MYH13: variants seen among roughly 807,000 people sequenced by gnomAD.
MYH13 encodes myosin-13.
In MYH13, 177 loss-of-function variants were observed where a neutral mutation model predicts 232.1. The observed-to-expected ratio is 0.76, with a 90% confidence interval of 0.67 to 0.86. The LOEUF (loss-of-function observed/expected upper bound fraction) is 0.86, where lower values mean the gene tolerates loss of function less well. MYH13 is among the 40% of genes least tolerant of loss of function. The pLI is 0.00. For synonymous variants in MYH13, 884 were observed against 923.5 expected (o/e 0.96, Z 0.78); for missense variants, 2,246 against 2,405.9 (o/e 0.93, Z 1.39).
chr17:10,352,611 C>A lies in MYH13; in HGVS notation c.1006-1917G>T, dbSNP rs201108042. Among the ~76,000 whole-genome samples the A allele has an allele frequency of 6.7e-4, 102 of 151,532 alleles. 1 individual carries two copies. In the East Asian group the frequency reaches 0.016, roughly 24 times the overall value. Reference sequence around the variant, plus strand: ...TCAAAAAAAACAAAAAACAAAAAACCAAAAAAAGGCTCCGTGAGAGGAAGG... The same window carrying A: ...TCAAAAAAAACAAAAAACAAAAAACAAAAAAAAGGCTCCGTGAGAGGAAGG... On this transcript the variant is annotated intron_variant, in intron 11 of 40. Transcript: ENST00000252172.
chr17:10,301,813 C>A, intron 39 of MYH13, 110 bp from the exon 40 acceptor site: 1 of 1,407,626 alleles, frequency 7.1e-7, no homozygotes. Flanking sequence ...CCCTGGATTC[C>A]CTGATGGCAG....
At chr17:10,305,452 C>A (rs547041717) in intron 37 of MYH13, among the ~76,000 whole-genome samples, 1 of 152,148 alleles carries the variant, frequency 6.6e-6, no homozygotes, top group Non-Finnish European at 1.5e-5. Flanking sequence ...TTTAGCACCT[C>A]CCTAAAAAAA....
chr17:10,345,855 T>C (rs1471451478), intron 13 of MYH13, among the ~76,000 whole-genome samples: 1 of 151,254 alleles, frequency 6.6e-6, no homozygotes, highest in Non-Finnish European at 1.5e-5. Context: ...TAGCCAGGTG[T>C]GGTGGCAGGC....
rs544224436 is a variant in MYH13, at chr17:10,307,312, T to G, written c.5170-248A>C. 2.0e-3 allele frequency among the ~76,000 whole-genome samples: 309 copies of G among 152,262 alleles called. 2 individuals carry two copies. The highest frequency in any genetic ancestry group is 0.013 in the South Asian group (63 of 4,818). On this transcript the variant is annotated intron_variant, in intron 35 of 40. Transcript: ENST00000252172. ...ATGATAAAAGTAGAATTTCAAATATTTGAGGATGGATAGATTATTCAGTAA... is the reference window on the plus strand; with the variant it reads ...ATGATAAAAGTAGAATTTCAAATATGTGAGGATGGATAGATTATTCAGTAA...
At position 10,351,279 on chromosome 17, in the gene MYH13, G is replaced by A. The variant is rs559292722; in HGVS notation, c.1006-585C>T. ...TTTCTCACTGTACATAGATTTGGGGGAGCAGTTTTCTGGATGAGGCGATTG... is the reference window on the plus strand; with the variant it reads ...TTTCTCACTGTACATAGATTTGGGGAAGCAGTTTTCTGGATGAGGCGATTG... On this transcript the variant is annotated intron_variant, in intron 11 of 40. Coordinates refer to ENST00000252172, the MANE Select transcript of MYH13 (RefSeq NM_003802.3). 9.3e-5 allele frequency among the ~76,000 whole-genome samples: 14 copies of A among 150,596 alleles called. No homozygotes were observed. In the East Asian group the frequency reaches 2.5e-3, roughly 27 times the overall value.
At chr17:10,353,938 A>G (rs1196060487) in intron 11 of MYH13, among the ~76,000 whole-genome samples, 3 of 148,908 alleles carry the variant, frequency 2.0e-5, no homozygotes, top group African/African-American at 7.5e-5. Flanking sequence ...GAAAGAAGGA[A>G]GGAAGGAAGG....
At chr17:10,351,272 T>C (rs1042617681) in intron 11 of MYH13, among the ~76,000 whole-genome samples, 6 of 148,958 alleles carry the variant, frequency 4.0e-5, no homozygotes, top group African/African-American at 1.5e-4. Flanking sequence ...TGTACATAGA[T>C]TTGGGGGAGC....
At chr17:10,358,502 G>A (rs1403277493) in intron 7 of MYH13, among the ~76,000 whole-genome samples, 8 of 152,094 alleles carry the variant, frequency 5.3e-5, no homozygotes, top group Admixed American at 1.3e-4. Context: ...GTTCACACTC[G>A]TAATTAGCAC....
intron 12 of MYH13, among the ~76,000 whole-genome samples, chr17:10,348,926 T>C (rs1369616816): frequency 6.6e-6 from 1 of 152,156 alleles, no homozygotes; most frequent in African/African-American, 2.4e-5. Context: ...GTAGCCAAAG[T>C]GGACCACTCA....
intron 2 of MYH13, among the ~76,000 whole-genome samples, chr17:10,365,694 T>A (rs1260385398): frequency 6.6e-6 from 1 of 152,142 alleles, no homozygotes. Flanking sequence ...TTTAACAAGA[T>A]CCCCAGGTAA....
chr17:10,362,116 A>G lies in MYH13; in HGVS notation c.505+2T>C. 1 of 1,613,874 alleles carries G rather than the reference A, an allele frequency of 6.2e-7. No homozygotes were observed. The highest frequency in any genetic ancestry group is 8.5e-7 in the Non-Finnish European group (1 of 1,179,870). On this transcript the variant is annotated splice_donor_variant, in intron 5 of 40. Coordinates refer to ENST00000252172, the MANE Select transcript of MYH13 (RefSeq NM_003802.3). LOFTEE classifies it high-confidence loss of function. ...AAAATATGAATCAAAGAAATTACTC[A>G]CCAGTCAGCATGAACTGATAGGCAT...
Position 10,355,077 on chromosome 17 carries a change from G to C in MYH13, c.802+7C>G. 2.5e-6 allele frequency: 4 copies of C among 1,605,198 alleles called. No homozygotes were observed. The African/African-American group carries it at 5.3e-5, about 21-fold the overall frequency. ...CACCAACGGATTTATAGAGTGTTTG[G>C]ACTCACAAGTTTCGATGTCTGCCGA... is the stretch of plus-strand genomic sequence containing the variant. On this transcript the variant is annotated splice_region_variant and intron_variant, in intron 9 of 40. Transcript: ENST00000252172.
Position 10,332,178 on chromosome 17 carries a change from A to G in MYH13, c.2219T>C (p.Ile740Thr), listed in dbSNP as rs1293843823. 10 of 1,613,880 alleles carry G rather than the reference A, an allele frequency of 6.2e-6. No individual in the cohort carries two copies. The highest frequency in any genetic ancestry group is 8.5e-6 in the Non-Finnish European group (10 of 1,179,888). The change falls in exon 20 of 41, where the codon ATT (isoleucine) becomes ACT (threonine). Residue 740 changes from isoleucine (I) to threonine (T), a missense_variant. Transcript: ENST00000252172. The part of the protein sequence containing the change: ...NASAIPEGQF[I>T]DSKNASEKLL... Reference sequence around the variant, plus strand: ...CTTCTCTGAGGCATTTTTGCTGTCAATGAACTGCCCTTCAGGGATAGCACT... The same window carrying G: ...CTTCTCTGAGGCATTTTTGCTGTCAGTGAACTGCCCTTCAGGGATAGCACT...
rs56798899 is a variant in MYH13 at position 10,366,381 on chromosome 17, G to GTTTTTT, written c.-12-1845_-12-1840dup. Among the ~76,000 whole-genome samples, 215 of 112,614 alleles carry GTTTTTT rather than the reference G, an allele frequency of 1.9e-3. 8 individuals are homozygous for GTTTTTT. The highest frequency in any genetic ancestry group is 6.5e-3 in the African/African-American group (202 of 30,914). The allele number at this position is 112,614 out of a possible 152,430, so 73.9% of individuals were successfully genotyped here. A position where few individuals can be genotyped will look rare whatever the true frequency, so the allele number is the denominator to read the frequency against. ...CATATCTCTCTTAAGAAATAAATCTGTTTTTTTTTTTTTTTTTGAGATGGA... is the reference window on the plus strand; with the variant it reads ...CATATCTCTCTTAAGAAATAAATCTGTTTTTTTTTTTTTTTTTTTTTTTGAGATGGA... On this transcript the variant is annotated intron_variant, in intron 2 of 40. Transcript: ENST00000252172.
At chr17:10,343,567 A>C (rs2071636162) in intron 16 of MYH13, among the ~76,000 whole-genome samples, 1 of 152,200 alleles carries the variant, frequency 6.6e-6, no homozygotes, top group South Asian at 2.1e-4. Context: ...GAAAACTATT[A>C]AACAATGTGA....
In MYH13 at chr17:10,306,220, A is replaced by ATGTGTGTGTG. The variant is rs34889608; in HGVS notation, c.5466+229_5466+238dup. 0.03 allele frequency among the ~76,000 whole-genome samples: 3,862 copies of ATGTGTGTGTG among 129,946 alleles called. 84 individuals carry two copies. Among genetic ancestry groups the ATGTGTGTGTG allele is most frequent in the Non-Finnish European group, 0.04 (2,443 of 61,002 alleles). The allele number at this position is 129,946 out of a possible 152,430, so 85.2% of individuals were successfully genotyped here. A position where few individuals can be genotyped will look rare whatever the true frequency, so the allele number is the denominator to read the frequency against. On this transcript the variant is annotated intron_variant, in intron 37 of 40. Transcript: ENST00000252172. The surrounding 1 kb of genome is among the most constrained non-coding windows in gnomAD (Gnocchi z 4.3). ...CTGAGGTGTGAGCATACCAAAATAG[A>ATGTGTGTGTG]TGTGTGTGTGTGTGTGTGTGTGTGT... is the stretch of plus-strand genomic sequence containing the variant.
Position 10,346,674 on chromosome 17 carries a change from C to T in MYH13, c.1263+6G>A, listed in dbSNP as rs754723579. 5.6e-6 allele frequency: 9 copies of T among 1,601,470 alleles called. No homozygotes were observed. The highest frequency in any genetic ancestry group is 7.7e-6 in the Non-Finnish European group (9 of 1,168,716). The stretch of plus-strand genomic sequence containing the variant: ...CAATCAACTGGATTCAGAGCATCTC[C>T]ATTACCTGCTGGACATTTTGCCCTT... On this transcript the variant is annotated splice_donor_region_variant and intron_variant, in intron 13 of 40. Transcript: ENST00000252172.
intron 5 of MYH13, among the ~76,000 whole-genome samples, chr17:10,361,222 C>A (rs912586322): frequency 6.2e-4 from 94 of 151,426 alleles, no homozygotes; most frequent in African/African-American, 2.2e-3. Context: ...ACAGAAATGA[C>A]AGAAGTTTGG....
intron 7 of MYH13, 108 bp from the exon 8 acceptor site, chr17:10,357,935 G>T: frequency 4.4e-6 from 4 of 916,394 alleles, no homozygotes; most frequent in Non-Finnish European, 6.8e-6. Context: ...TAGAGATGTC[G>T]ACCAGCTCCA....
Sources: allele counts gnomAD v4.1 joint callset (sites outside exome capture counted in the v4.1 genomes callset), GRCh38; gene constraint gnomAD v4.1.1; non-coding constraint Gnocchi (gnomAD v3.1); transcripts MANE v1.5; gene names NCBI Gene and HGNC (gene_info 2026-07-23, HGNC 2026-07-21).